BCO2: variants seen among roughly 807,000 people sequenced by gnomAD.
BCO2 encodes carotenoid-cleaving dioxygenase, mitochondrial.
A neutral mutation model predicts 65.8 loss-of-function variants in BCO2; 56 were observed. That is an observed-to-expected ratio of 0.85 (90% CI 0.69 to 1.06). The LOEUF is 1.06. Ranked by LOEUF, BCO2 falls within the 50% of genes least tolerant of loss-of-function variation. The pLI is 0.00. For missense variants in BCO2, 675 were observed against 698.5 expected (o/e 0.97, Z 0.38); for synonymous variants, 233 against 242.3 (o/e 0.96, Z 0.36).
At chr11:112,192,092 C>T (rs1277390635) in intron 2 of BCO2, among the ~76,000 whole-genome samples, 2 of 152,172 alleles carry the variant, frequency 1.3e-5, no homozygotes, top group East Asian at 3.8e-4. Flanking sequence ...CCTGCTTCCT[C>T]CTGTTAACCA....
rs374509038 is a variant in BCO2, at chr11:112,214,838, A to G, written c.1409A>G (p.Tyr470Cys). The G allele has an allele frequency of 8.1e-6, 13 of 1,613,834 alleles. No homozygotes were observed. Among genetic ancestry groups the G allele is most frequent in the East Asian group, 2.2e-5 (1 of 44,884 alleles). ...EGGIEFPQIY[Y>C]DRFSGKKYHF... is the part of the protein sequence containing the mutation. ...GGCATTGAATTTCCTCAGATCTACT[A>G]TGATCGATTCAGTGGCAAAAAGTAT... Residue 470 changes from tyrosine (Y) to cysteine (C), a missense_variant, in exon 10 of 12, where the codon TAT (tyrosine) becomes TGT (cysteine). Physicochemically the swap from Tyr to Cys is radical, Grantham distance 194. Coordinates refer to ENST00000357685, the MANE Select transcript of BCO2 (RefSeq NM_031938.7).
At chr11:112,207,035 A>C (rs1859362939) in intron 8 of BCO2, among the ~76,000 whole-genome samples, 1 of 152,222 alleles carries the variant, frequency 6.6e-6, no homozygotes, top group Non-Finnish European at 1.5e-5. Flanking sequence ...TCATATCCAG[A>C]GATCTTGCTA....
chr11:112,178,774 T>C (rs897811500), intron 1 of BCO2, among the ~76,000 whole-genome samples: 6 of 152,222 alleles, frequency 3.9e-5, no homozygotes, highest in Non-Finnish European at 1.5e-5. Context: ...AGGAATTAAA[T>C]TTAAGATCTT....
intron 7 of BCO2, 66 bp downstream of exon 7, chr11:112,200,839 G>T: frequency 1.9e-6 from 3 of 1,550,828 alleles, no homozygotes; most frequent in South Asian, 2.4e-5. Flanking sequence ...CCATATAGTT[G>T]ATTTTTTAAA....
intron 5 of BCO2, 142 bp downstream of exon 5, chr11:112,194,897 C>T (rs1321869027): frequency 1.9e-6 from 1 of 536,260 alleles, no homozygotes; most frequent in Non-Finnish European, 3.3e-6. Context: ...GCTCTCTCTC[C>T]TCTTTATTAC....
At chr11:112,216,402 A>T (rs1021141265) in intron 11 of BCO2, 72 bp downstream of exon 11, 2 of 1,085,868 alleles carry the variant, frequency 1.8e-6, no homozygotes, top group Non-Finnish European at 2.8e-6. Context: ...AAGGATGCAC[A>T]CTCATCTGTC....
intron 11 of BCO2, among the ~76,000 whole-genome samples, chr11:112,217,076 C>T (rs7941787): frequency 0.023 from 3,571 of 152,270 alleles, 149 homozygotes; most frequent in African/African-American, 0.081. Context: ...CAAAGTAACA[C>T]AAAATGGAGG....
chr11:112,186,583 A>G (rs12283162), intron 2 of BCO2, among the ~76,000 whole-genome samples: 34,774 of 152,240 alleles, frequency 0.23, 4,106 homozygotes, highest in Middle Eastern at 0.27. Context: ...TCACTCTGTT[A>G]GATGCCATTT....
chr11:112,189,654 G>T (rs1038491914), intron 2 of BCO2, among the ~76,000 whole-genome samples: 1 of 151,952 alleles, frequency 6.6e-6, no homozygotes, highest in Non-Finnish European at 1.5e-5. Context: ...CGCCTGCCTC[G>T]GCCTCCCAAA....
At chr11:112,211,945 T>C (rs1859524105) in intron 8 of BCO2, among the ~76,000 whole-genome samples, 1 of 152,206 alleles carries the variant, frequency 6.6e-6, no homozygotes, top group Admixed American at 6.5e-5. Context: ...TTGAAGCGTC[T>C]TTTGGGTTAG....
intron 2 of BCO2, among the ~76,000 whole-genome samples, chr11:112,192,677 C>CTTTTTTTTT (rs71463410): frequency 8.0e-6 from 1 of 124,796 alleles, no homozygotes. Context: ...TTCTTTCTTT[C>CTTTTTTTTT]TTTTTTTTTT....
rs1867677981 is a variant in BCO2 at position 112,199,725 on chromosome 11, C to T, written c.763C>T (p.Pro255Ser). 1.2e-6 allele frequency: 2 copies of T among 1,613,572 alleles called. No individual in the cohort carries two copies. The highest frequency in any genetic ancestry group is 8.5e-7 in the Non-Finnish European group (1 of 1,179,660). The change falls in exon 6 of 12, where the codon CCT becomes TCT. Residue 255 changes from proline (P) to serine (S), a missense_variant. Physicochemically the swap from Pro to Ser is moderately conservative, Grantham distance 74. Coordinates refer to ENST00000357685, the MANE Select transcript of BCO2 (RefSeq NM_031938.7). ...TTTCTCCTATAAGGTTATTCGGGTT[C>T]CTCCAGAGAAGGTGGACCTTGGGGA... ...YGFSYKVIRV[P>S]PEKVDLGETI... is the part of the protein sequence containing the mutation.
chr11:112,186,896 C>T (rs1401715029), intron 2 of BCO2, among the ~76,000 whole-genome samples: 1 of 152,114 alleles, frequency 6.6e-6, no homozygotes, highest in East Asian at 1.9e-4. Context: ...TACTAAATAG[C>T]GTCAGCACCT....
chr11:112,194,211 T>G, intron 4 of BCO2: 1 of 507,940 alleles, frequency 2.0e-6, no homozygotes, highest in South Asian at 2.4e-5. Flanking sequence ...AGTCCTAATA[T>G]CTGAAGGCTA....
In BCO2 at chr11:112,217,935, C is replaced by A; in HGVS notation, c.*61C>A. ...ATAAGTGTGCACTTGGACATAAAGA[C>A]TGGAGAAATAAACACTGAGGACTCC... On this transcript the variant is annotated 3_prime_UTR_variant, in exon 12 of 12. Transcript: ENST00000357685. 1 of 1,257,032 alleles carries A rather than the reference C, an allele frequency of 8.0e-7. No homozygotes were observed. Among genetic ancestry groups the A allele is most frequent in the Non-Finnish European group, 1.1e-6 (1 of 881,466 alleles). The allele number at this position is 1,257,032 out of a possible 1,614,324, so 77.9% of individuals were successfully genotyped here.
intron 2 of BCO2, chr11:112,181,525 T>G: frequency 1.4e-6 from 1 of 736,720 alleles, no homozygotes; most frequent in Admixed American, 1.8e-5. Context: ...TGAACCCATT[T>G]TGAACTACTT....
chr11:112,199,007 G>A (rs1217433367), intron 5 of BCO2, among the ~76,000 whole-genome samples: 2 of 151,918 alleles, frequency 1.3e-5, no homozygotes, highest in African/African-American at 4.8e-5. Flanking sequence ...TGTGCAGAAC[G>A]TGCAGGTTTG....
At chr11:112,193,831 G>A (rs759907056) in intron 3 of BCO2, 48 bp from the exon 4 acceptor site, 40 of 1,463,570 alleles carry the variant, frequency 2.7e-5, no homozygotes, top group Admixed American at 3.4e-5. Flanking sequence ...GCTTAGCGTC[G>A]TCTACAGTAA....
At chr11:112,192,392 A>G (rs1357279885) in intron 2 of BCO2, among the ~76,000 whole-genome samples, 3 of 152,152 alleles carry the variant, frequency 2.0e-5, no homozygotes, top group Non-Finnish European at 2.9e-5. Flanking sequence ...CAGTTAATCA[A>G]TGTGTTAAGC....
Sources: gnomAD v4.1 joint callset for allele counts (sites outside exome capture counted in the v4.1 genomes callset) on GRCh38, gnomAD v4.1.1 for gene constraint, MANE v1.5 for transcripts, NCBI Gene and HGNC (gene_info 2026-07-23, HGNC 2026-07-21) for gene names.